CLEC16A: variants seen among roughly 807,000 people sequenced by gnomAD.
The protein encoded by CLEC16A is C-type lectin domain containing 16A.
CLEC16A carries 51 observed loss-of-function variants against 109.5 expected under a neutral mutation model. The ratio of observed to expected loss-of-function variants is 0.47; its 90% CI spans 0.37 to 0.59. CLEC16A has a LOEUF of 0.59. CLEC16A is among the 20% of genes least tolerant of loss of function. CLEC16A has a pLI of 0.00. For missense variants in CLEC16A, 1,339 were observed against 1,394.0 expected (o/e 0.96, Z 0.63); for synonymous variants, 673 against 564.2 (o/e 1.19, Z -2.73).
chr16:11,176,675 C>T (rs577232487), intron 23 of CLEC16A, among the ~76,000 whole-genome samples: 2 of 152,258 alleles, frequency 1.3e-5, no homozygotes, highest in East Asian at 3.9e-4. Flanking sequence ...AAGGTTGAGG[C>T]TGCAGTGAGC....
intron 19 of CLEC16A, among the ~76,000 whole-genome samples, chr16:11,107,161 G>A (rs980138394): frequency 2.6e-5 from 4 of 152,120 alleles, no homozygotes; most frequent in Admixed American, 2.0e-4. Context: ...CAGTTTCCCC[G>A]GGTAACTGAA....
chr16:11,146,065 G>A (rs538812268), intron 22 of CLEC16A, among the ~76,000 whole-genome samples: 1 of 152,206 alleles, frequency 6.6e-6, no homozygotes, highest in South Asian at 2.1e-4. Flanking sequence ...GGTGGCCTCT[G>A]TTTGGAGAAG....
intron 17 of CLEC16A, among the ~76,000 whole-genome samples, chr16:11,048,730 C>G (rs908582192): frequency 6.6e-6 from 1 of 152,138 alleles, no homozygotes. Context: ...CATCTACAGC[C>G]CCTCATCATT....
Position 10,954,051 on chromosome 16 carries a change from T to C in CLEC16A, c.81-3731T>C, listed in dbSNP as rs1164805415. Among the ~76,000 whole-genome samples the C allele has an allele frequency of 1.3e-5, 2 of 151,464 alleles. No individual in the cohort carries two copies. Among genetic ancestry groups the C allele is most frequent in the East Asian group, 1.9e-4 (1 of 5,174 alleles). On this transcript the variant is annotated intron_variant, in intron 1 of 23. Coordinates refer to ENST00000409790, the MANE Select transcript of CLEC16A (RefSeq NM_015226.3). This position sits in a 1 kb window ranked among gnomAD's most constrained non-coding sequence, Gnocchi z 4.2. ...GATATTCAAACAGTCCATAAACATA[T>C]ATGAACAGGCACCCGGTTTCACTAC...
rs541711829 is a variant in CLEC16A at position 11,032,774 on chromosome 16, G to A, written c.1538-6980G>A. 9.2e-5 allele frequency among the ~76,000 whole-genome samples: 14 copies of A among 152,306 alleles called. No individual in the cohort carries two copies. The East Asian group carries it at 2.5e-3, about 27-fold the overall frequency. On this transcript the variant is annotated intron_variant, in intron 13 of 23. Transcript: ENST00000409790. ...AGGGAGCAGCATGTACAGAGGCCCC[G>A]GGGTGGGAAGGAGCAGAAAGTGGGC...
rs374589990 is a variant in CLEC16A, at chr16:11,145,858, C to T, written c.2641+19712C>T. Among the ~76,000 whole-genome samples the T allele has an allele frequency of 6.8e-4, 103 of 152,326 alleles. 1 individual carries two copies. In the South Asian group the frequency reaches 0.021, roughly 31 times the overall value. On this transcript the variant is annotated intron_variant, in intron 22 of 23. Transcript: ENST00000409790. Reference sequence around the variant, plus strand: ...AAGTGTCTCCTCTACTTAGATTCTTCGCTGGCTCCCATCACTCAGATGAAA... The same window carrying T: ...AAGTGTCTCCTCTACTTAGATTCTTTGCTGGCTCCCATCACTCAGATGAAA...
intron 19 of CLEC16A, among the ~76,000 whole-genome samples, chr16:11,083,532 A>G (rs569703198): frequency 6.6e-6 from 1 of 152,312 alleles, no homozygotes; most frequent in African/African-American, 2.4e-5. Context: ...GGGCCCAGGT[A>G]GCACGTGACC....
At chr16:11,047,103 G>C (rs2047673772) in intron 16 of CLEC16A, among the ~76,000 whole-genome samples, 189 bp from the exon 17 acceptor site, 1 of 152,036 alleles carries the variant, frequency 6.6e-6, no homozygotes, top group Non-Finnish European at 1.5e-5. Context: ...AGTGCAATTT[G>C]ATATTTGGTC....
chr16:11,024,606 G>T, intron 12 of CLEC16A: 1 of 488,934 alleles, frequency 2.0e-6, no homozygotes, highest in African/African-American at 1.9e-5. Flanking sequence ...CAAGCAGTCT[G>T]TTCCTTGGTC....
chr16:10,972,402 C>G (rs956030251), intron 5 of CLEC16A, 152 bp from the exon 6 acceptor site: 1 of 658,420 alleles, frequency 1.5e-6, no homozygotes, highest in Non-Finnish European at 2.7e-6. Flanking sequence ...TTTCTCCTGT[C>G]TCCTTCTAAC....
intron 23 of CLEC16A, among the ~76,000 whole-genome samples, chr16:11,172,719 T>C (rs1351798999): frequency 6.6e-6 from 1 of 151,970 alleles, no homozygotes; most frequent in Non-Finnish European, 1.5e-5. Flanking sequence ...TGAACCCCCA[T>C]CTCTACTAAA....
At chr16:11,033,180 C>T (rs772596503) in intron 13 of CLEC16A, among the ~76,000 whole-genome samples, 3 of 152,006 alleles carry the variant, frequency 2.0e-5, no homozygotes, top group East Asian at 3.9e-4. Context: ...GTGAAAGGGA[C>T]GAGTCAGATG....
intron 1 of CLEC16A, among the ~76,000 whole-genome samples, chr16:10,951,096 G>A (rs9926229): frequency 6.6e-6 from 1 of 152,176 alleles, no homozygotes; most frequent in Non-Finnish European, 1.5e-5. Context: ...TCTTGAGAAA[G>A]CAGAGGCTAT....
At chr16:11,124,151 A>G (rs189314044) in intron 21 of CLEC16A, among the ~76,000 whole-genome samples, 1 of 152,366 alleles carries the variant, frequency 6.6e-6, no homozygotes, top group East Asian at 1.9e-4. Flanking sequence ...GGAAGAGAAG[A>G]GGAGCTCTCC....
intron 22 of CLEC16A, 74 bp downstream of exon 22, chr16:11,126,220 C>A (rs748082654): frequency 6.3e-7 from 1 of 1,592,288 alleles, no homozygotes; most frequent in South Asian, 1.1e-5. Context: ...CTCTGTGGAG[C>A]CTGTGTGAGC....
chr16:11,024,864 G>A lies in CLEC16A; in HGVS notation c.1480G>A (p.Asp494Asn). ...GTACCACGCGCTGGACAGCCCGGAT[G>A]ATGATTACCATGCCCTGTTCGTGCT... ...MVYHALDSPD[D>N]DYHALFVLCL... The change falls in exon 13 of 24, where the codon GAT becomes AAT. Residue 494 changes from aspartate to asparagine, a missense_variant. Transcript: ENST00000409790. 6.2e-7 allele frequency: 1 copy of A among 1,609,986 alleles called. No individual in the cohort carries two copies. Among genetic ancestry groups the A allele is most frequent in the Non-Finnish European group, 8.5e-7 (1 of 1,178,202 alleles).
chr16:11,163,953 C>G (rs948813017), intron 22 of CLEC16A, among the ~76,000 whole-genome samples: 2 of 152,140 alleles, frequency 1.3e-5, no homozygotes, highest in African/African-American at 2.4e-5. Context: ...GTTTACCGCT[C>G]TAAGTGATTA....
intron 19 of CLEC16A, among the ~76,000 whole-genome samples, chr16:11,075,384 G>C (rs1195129436): frequency 7.4e-5 from 9 of 121,066 alleles, no homozygotes; most frequent in African/African-American, 2.8e-4. Context: ...ATGTCTGTGT[G>C]TGTGTGTGTG....
intron 11 of CLEC16A, among the ~76,000 whole-genome samples, chr16:11,013,567 C>G (rs543719107): frequency 1.3e-5 from 2 of 152,098 alleles, no homozygotes; most frequent in Non-Finnish European, 2.9e-5. Flanking sequence ...GAGTTCGAGA[C>G]CAACCTGACC....
Sources: allele counts gnomAD v4.1 joint callset (sites outside exome capture counted in the v4.1 genomes callset), GRCh38; gene constraint gnomAD v4.1.1; non-coding constraint Gnocchi (gnomAD v3.1); transcripts MANE v1.5; gene names NCBI Gene and HGNC (gene_info 2026-07-23, HGNC 2026-07-21).